The following ESRRG variants were observed in gnomAD, a reference collection of about 807,000 sequenced individuals.
ESRRG encodes the protein estrogen-related receptor gamma.
A neutral mutation model predicts 44.0 loss-of-function variants in ESRRG; 13 were observed. The observed-to-expected ratio is 0.30, with a 90% CI of 0.19 to 0.47. The LOEUF (loss-of-function observed/expected upper bound fraction) is 0.47, where lower values mean the gene tolerates loss of function less well. Among genes scored for constraint, ESRRG ranks in the 20% least tolerant of loss-of-function variants. ESRRG has a pLI of 1.00. For synonymous variants in ESRRG, 215 were observed against 214.6 expected, an observed-to-expected ratio of 1.00 and a Z score of -0.02; for missense variants, 395 against 580.6, an observed-to-expected ratio of 0.68 and a Z score of 3.29.
chr1:216,702,089 G>C (rs187084795), intron 1 of ESRRG, among the ~76,000 whole-genome samples: 1 of 152,298 alleles, frequency 6.6e-6, no homozygotes, highest in Admixed American at 6.5e-5. Flanking sequence ...AAAGCAAGTA[G>C]TTATCGCTAA....
At chr1:217,093,383 A>T (rs147144893), upstream of ESRRG, among the ~76,000 whole-genome samples, 653 of 152,158 alleles carry the variant, frequency 4.3e-3, 1 homozygote, top group Non-Finnish European at 8.0e-3. Flanking sequence ...TTTTTGAAGG[A>T]TGCGAAAAAA....
chr1:216,601,868 T>A (rs942347471), intron 3 of ESRRG, among the ~76,000 whole-genome samples: 2 of 152,206 alleles, frequency 1.3e-5, no homozygotes, highest in African/African-American at 4.8e-5. Context: ...CATTCTGGAA[T>A]TTTTAAAAAG....
chr1:216,919,376 G>C (rs1260630484), intron 2 of ESRRG, among the ~76,000 whole-genome samples: 2 of 152,170 alleles, frequency 1.3e-5, no homozygotes, highest in African/African-American at 4.8e-5. Flanking sequence ...TTTAGGAACA[G>C]CACTTCCGGG....
intron 2 of ESRRG, among the ~76,000 whole-genome samples, chr1:216,798,324 G>C (rs1173242724): frequency 6.6e-6 from 1 of 152,082 alleles, no homozygotes; most frequent in Non-Finnish European, 1.5e-5. Context: ...TCCCTGAGGA[G>C]GTGAACTTTA....
At chr1:217,048,596 A>C (rs77280767) in intron 1 of ESRRG, among the ~76,000 whole-genome samples, 19 of 152,280 alleles carry the variant, frequency 1.2e-4, no homozygotes, top group Non-Finnish European at 2.2e-4. Flanking sequence ...CACAGGCACA[A>C]GAAGCTCTTG....
chr1:216,527,641 C>T (rs1327512856), intron 5 of ESRRG, among the ~76,000 whole-genome samples: 1 of 152,156 alleles, frequency 6.6e-6, no homozygotes, highest in East Asian at 1.9e-4. Context: ...TAAGCACCGC[C>T]ATCCACCTGC....
intron 1 of ESRRG, among the ~76,000 whole-genome samples, chr1:216,959,065 G>T (rs2068518269): frequency 6.6e-6 from 1 of 151,368 alleles, no homozygotes; most frequent in Non-Finnish European, 1.5e-5. Flanking sequence ...CCTCCCTTTT[G>T]CACTTTTATC....
At chr1:216,966,126 G>T (rs901872997) in intron 1 of ESRRG, among the ~76,000 whole-genome samples, 2 of 152,092 alleles carry the variant, frequency 1.3e-5, no homozygotes, top group East Asian at 1.9e-4. Context: ...TATAAGCCAG[G>T]TACATTCATG....
chr1:216,913,140 AAGAC>A (rs980702488), intron 2 of ESRRG, among the ~76,000 whole-genome samples: 147 of 151,648 alleles, frequency 9.7e-4, no homozygotes, highest in African/African-American at 3.3e-3. Flanking sequence ...AAAGGAAAGA[AAGAC>A]AGAAAAACGA....
chr1:217,031,001 T>C (rs2081984090), intron 1 of ESRRG, among the ~76,000 whole-genome samples: 1 of 152,220 alleles, frequency 6.6e-6, no homozygotes, highest in Admixed American at 6.5e-5. Context: ...AAATTAAAAA[T>C]GTGGCTCACA....
intron 2 of ESRRG, among the ~76,000 whole-genome samples, chr1:216,660,671 G>A (rs2072082201): frequency 6.6e-6 from 1 of 152,228 alleles, no homozygotes; most frequent in South Asian, 2.1e-4. Flanking sequence ...AGGAAATTTT[G>A]ATGCCTGACA....
chr1:216,927,105 CAA>C (rs1436704597), intron 2 of ESRRG, among the ~76,000 whole-genome samples: 2 of 152,140 alleles, frequency 1.3e-5, no homozygotes, highest in African/African-American at 2.4e-5. Flanking sequence ...AACCATAACT[CAA>C]GAGTTCTGCC....
intron 1 of ESRRG, among the ~76,000 whole-genome samples, chr1:217,129,612 A>G (rs1167099781): frequency 6.6e-6 from 1 of 152,238 alleles, no homozygotes; most frequent in African/African-American, 2.4e-5. Flanking sequence ...ATTCAGCGAT[A>G]AAGAGGGATG....
intron 2 of ESRRG, among the ~76,000 whole-genome samples, chr1:216,658,627 C>T (rs2071281723): frequency 6.7e-6 from 1 of 149,344 alleles, no homozygotes; most frequent in South Asian, 2.1e-4. Flanking sequence ...TCGAAACCAG[C>T]CTGGCCAACA....
intron 3 of ESRRG, among the ~76,000 whole-genome samples, chr1:216,608,685 AC>A (rs1297514202): frequency 6.6e-6 from 1 of 151,980 alleles, no homozygotes; most frequent in Non-Finnish European, 1.5e-5. Flanking sequence ...AATTTAATCC[AC>A]CTTTTCAACC....
chr1:216,570,825 A>G (rs1366866983), intron 3 of ESRRG, among the ~76,000 whole-genome samples: 2 of 152,206 alleles, frequency 1.3e-5, no homozygotes, highest in African/African-American at 4.8e-5. Flanking sequence ...ATAAATCTTG[A>G]CTGAGTTTGT....
At chr1:216,529,470 A>G (rs1446206195) in intron 5 of ESRRG, among the ~76,000 whole-genome samples, 1 of 152,170 alleles carries the variant, frequency 6.6e-6, no homozygotes, top group Non-Finnish European at 1.5e-5. Context: ...TAAGTCATGC[A>G]AAGTTTTAAT....
intron 2 of ESRRG, among the ~76,000 whole-genome samples, chr1:216,834,299 GTTGAGGCGGGAAGATCAC>G (rs1388251396): frequency 7.2e-5 from 11 of 152,144 alleles, no homozygotes; most frequent in African/African-American, 2.7e-4. Context: ...TACTGAGCAG[GTTGAGGCGGGAAGATCAC>G]TTGAGCCCAG....
intron 1 of ESRRG, among the ~76,000 whole-genome samples, chr1:217,104,122 T>C (rs911971693): frequency 5.3e-5 from 8 of 152,220 alleles, no homozygotes; most frequent in African/African-American, 1.9e-4. Context: ...CTATTCCTTG[T>C]TAAGCTTCAC....
Sources: allele counts gnomAD v4.1 joint callset (sites outside exome capture counted in the v4.1 genomes callset), GRCh38; gene constraint gnomAD v4.1.1; transcripts MANE v1.5; gene names NCBI Gene and HGNC (gene_info 2026-07-23, HGNC 2026-07-21).